FYCO1: variants seen among roughly 807,000 people sequenced by gnomAD.
The protein encoded by FYCO1 is FYVE and coiled-coil domain autophagy adaptor 1.
FYCO1 carries 122 observed loss-of-function variants against 165.1 expected under a neutral mutation model. The ratio of observed to expected loss-of-function variants is 0.74; its 90% CI spans 0.64 to 0.86. The LOEUF is 0.86. Among genes scored for constraint, FYCO1 ranks in the 40% least tolerant of loss-of-function variants. The pLI, the probability that FYCO1 is intolerant of heterozygous loss-of-function variation, is 0.00. For missense variants in FYCO1, 1,702 were observed against 1,810.3 expected (o/e 0.94, Z 1.09); for synonymous variants, 648 against 742.5 (o/e 0.87, Z 2.07).
intron 14 of FYCO1, among the ~76,000 whole-genome samples, chr3:45,944,677 C>T (rs1430623923): frequency 3.9e-5 from 6 of 152,152 alleles, no homozygotes; most frequent in Non-Finnish European, 7.3e-5. Flanking sequence ...AATTATTATA[C>T]ATCAAAGTTT....
At chr3:45,923,630 G>A (rs923579611) in intron 17 of FYCO1, 26 bp downstream of exon 17, 5 of 1,423,634 alleles carry the variant, frequency 3.5e-6, no homozygotes, top group Non-Finnish European at 4.0e-6. Context: ...CTGGAGACGT[G>A]GAGCTGGTGC....
chr3:45,941,560 G>A (rs1704226773), intron 14 of FYCO1, among the ~76,000 whole-genome samples: 2 of 152,190 alleles, frequency 1.3e-5, no homozygotes, highest in South Asian at 4.1e-4. Flanking sequence ...TAAAATTTTA[G>A]CCCCAAACCT....
intron 14 of FYCO1, chr3:45,947,342 C>G: frequency 8.7e-6 from 14 of 1,614,248 alleles, no homozygotes; most frequent in East Asian, 2.2e-5. Flanking sequence ...ACCCTGTGCT[C>G]TATGCCTTTG....
intron 11 of FYCO1, among the ~76,000 whole-genome samples, chr3:45,960,521 G>A (rs1559456036): frequency 6.6e-6 from 1 of 152,214 alleles, no homozygotes; most frequent in Admixed American, 6.5e-5. Context: ...CAAACTTTGG[G>A]AATGTGGAAT....
chr3:45,978,256 C>A lies in FYCO1; in HGVS notation c.288+1449G>T, dbSNP rs780863565. Among the ~76,000 whole-genome samples the A allele has an allele frequency of 7.2e-5, 11 of 152,266 alleles. No individual in the cohort carries two copies. In the South Asian group the frequency reaches 2.3e-3, roughly 32 times the overall value. On this transcript the variant is annotated intron_variant, in intron 4 of 17. Transcript: ENST00000296137. ...AAAGGCTTTAGTTGCTCTGATGCAG[C>A]GGCTGAGGAATGAAGAGAGGAGAGT...
At chr3:45,975,110 GTGGAAGGAGTC>G in intron 5 of FYCO1, 118 bp downstream of exon 5, 1 of 764,886 alleles carries the variant, frequency 1.3e-6, no homozygotes, top group Non-Finnish European at 2.4e-6. Context: ...AATGATATAT[GTGGAAGGAGTC>G]TGCAGTGTCA....
In FYCO1 at chr3:45,984,998, C is replaced by CAGT. The variant is rs1707243776; in HGVS notation, c.-91_-89dup. 4.7e-6 allele frequency: 6 copies of CAGT among 1,285,472 alleles called. No individual in the cohort carries two copies. Among genetic ancestry groups the CAGT allele is most frequent in the Middle Eastern group, 3.7e-4 (2 of 5,376 alleles). The allele number at this position is 1,285,472 out of a possible 1,614,324, so 79.6% of individuals were successfully genotyped here. A position where few individuals can be genotyped will look rare whatever the true frequency, so the allele number is the denominator to read the frequency against. ...CGGCCCTCGGTGGCTGTCTGCTCAG[C>CAGT]AGTGGTCAGACTCCATGGTGGCACC... On this transcript the variant is annotated 5_prime_UTR_variant, in exon 2 of 18. Coordinates refer to ENST00000296137, the MANE Select transcript of FYCO1 (RefSeq NM_024513.4).
Position 45,964,049 on chromosome 3 carries a change from T to C in FYCO1, c.3269+287A>G, listed in dbSNP as rs1053469859. Among the ~76,000 whole-genome samples, 2 of 152,252 alleles carry C rather than the reference T, an allele frequency of 1.3e-5. No individual in the cohort carries two copies. The highest frequency in any genetic ancestry group is 4.8e-5 in the African/African-American group (2 of 41,458). On this transcript the variant is annotated intron_variant, in intron 10 of 17. Coordinates refer to ENST00000296137, the MANE Select transcript of FYCO1 (RefSeq NM_024513.4). This position sits in a 1 kb window ranked among gnomAD's most constrained non-coding sequence, Gnocchi z 4.1. ...CATTATTATTATGATCTAACTTTTA[T>C]TTCATTTTAGTTTTTCCAAAGCTTG...
chr3:45,933,993 T>TA (rs71095065), intron 15 of FYCO1, among the ~76,000 whole-genome samples: 13,449 of 149,678 alleles, frequency 0.09, 992 homozygotes, highest in South Asian at 0.35. Flanking sequence ...ATAACCAAAA[T>TA]AAAAAAAAAA....
chr3:45,965,107 T>A lies in FYCO1; in HGVS notation c.3076A>T (p.Lys1026Ter). 1 of 1,613,926 alleles carries A rather than the reference T, an allele frequency of 6.2e-7. No individual in the cohort carries two copies. Among genetic ancestry groups the A allele is most frequent in the East Asian group, 2.2e-5 (1 of 44,870 alleles). Residue 1026 changes from lysine (K) to a stop codon, truncating the protein, a stop_gained, in exon 9 of 18, where the codon AAG (lysine) becomes TAG (stop). Transcript: ENST00000296137. LOFTEE classifies it high-confidence loss of function. Reference sequence around the variant, plus strand: ...TCCTCAAGCTGGCCCCTGAGGCTCTTGCACTCTTCACCAGCATTCTAGAGA... The same window carrying A: ...TCCTCAAGCTGGCCCCTGAGGCTCTAGCACTCTTCACCAGCATTCTAGAGA... ...SRLKNAGEEC[K>*]SLRGQLEEQG...
chr3:45,962,766 G>T lies in FYCO1; in HGVS notation c.3270-374C>A, dbSNP rs926177515. On this transcript the variant is annotated intron_variant, in intron 10 of 17. Transcript: ENST00000296137. The surrounding 1 kb of genome is among the most constrained non-coding windows in gnomAD (Gnocchi z 4.4). ...AAGGAGTCAGGACAGGCAGGACAGAGGTGTAGCTTCCTGGAGGTGGCCACA... is the reference window on the plus strand; with the variant it reads ...AAGGAGTCAGGACAGGCAGGACAGATGTGTAGCTTCCTGGAGGTGGCCACA... Among the ~76,000 whole-genome samples the T allele has an allele frequency of 1.3e-5, 2 of 152,132 alleles. No homozygotes were observed. The highest frequency in any genetic ancestry group is 4.8e-5 in the African/African-American group (2 of 41,408).
In FYCO1 at chr3:45,918,858, G is replaced by A. The variant is rs921584010; in HGVS notation, c.*2907C>T. On this transcript the variant is annotated 3_prime_UTR_variant, in exon 18 of 18. Coordinates refer to ENST00000296137, the MANE Select transcript of FYCO1 (RefSeq NM_024513.4). The stretch of plus-strand genomic sequence containing the variant: ...GTCCACCTGGAATCCAGTGTGTTGA[G>A]GTCAAGCACTCTGTAGAGTCCACTT... 1 of 152,164 alleles carries A rather than the reference G, an allele frequency of 6.6e-6. No homozygotes were observed. The highest frequency in any genetic ancestry group is 2.4e-5 in the African/African-American group (1 of 41,434). 9.4% of individuals were successfully genotyped at this position (152,164 alleles called of 1,614,324 possible).
chr3:45,927,891 G>T (rs1452673445), intron 16 of FYCO1, among the ~76,000 whole-genome samples: 1 of 152,248 alleles, frequency 6.6e-6, no homozygotes, highest in Non-Finnish European at 1.5e-5. Flanking sequence ...AACATCAAGA[G>T]CTCCTTAAGG....
intron 14 of FYCO1, among the ~76,000 whole-genome samples, chr3:45,948,786 G>A (rs778251582): frequency 6.6e-6 from 1 of 152,196 alleles, no homozygotes; most frequent in African/African-American, 2.4e-5. Flanking sequence ...CTGAATAGAC[G>A]AGAGCTGAAT....
At chr3:45,955,848 T>A (rs1705279503) in intron 13 of FYCO1, among the ~76,000 whole-genome samples, 1 of 152,244 alleles carries the variant, frequency 6.6e-6, no homozygotes, top group African/African-American at 2.4e-5. Context: ...CTTAATCCAC[T>A]GATGCGTGGG....
chr3:45,947,455 C>T (rs564233008), intron 14 of FYCO1: 1 of 1,614,184 alleles, frequency 6.2e-7, no homozygotes, highest in Non-Finnish European at 8.5e-7. Context: ...GAGGACAATT[C>T]CAAGACTTTT....
rs200850700 is a variant in FYCO1, at chr3:45,932,235, G to T, written c.4041-954C>A. ...TCTGGAGGCAGCTAGGTTAGCTCAT[G>T]ATCATGGAGACAGAGCCTCCAGTGC... On this transcript the variant is annotated intron_variant, in intron 15 of 17. Transcript: ENST00000296137. Among the ~76,000 whole-genome samples, 4 of 152,248 alleles carry T rather than the reference G, an allele frequency of 2.6e-5. No homozygotes were observed. The East Asian group carries it at 7.7e-4, about 29-fold the overall frequency.
intron 16 of FYCO1, among the ~76,000 whole-genome samples, chr3:45,927,006 G>A (rs555930758): frequency 6.6e-6 from 1 of 151,916 alleles, no homozygotes; most frequent in South Asian, 2.1e-4. Flanking sequence ...ACAGCAGAAG[G>A]TACATCCTTT....
intron 14 of FYCO1, 39 bp from the exon 15 acceptor site, chr3:45,936,582 C>A: frequency 7.0e-7 from 1 of 1,424,742 alleles, no homozygotes; most frequent in South Asian, 1.1e-5. Context: ...ATTTAGCTAT[C>A]AACACACAGG....
Sources: gnomAD v4.1 joint callset for allele counts (sites outside exome capture counted in the v4.1 genomes callset) on GRCh38, gnomAD v4.1.1 for gene constraint, Gnocchi (gnomAD v3.1) non-coding constraint, MANE v1.5 for transcripts, NCBI Gene and HGNC (gene_info 2026-07-23, HGNC 2026-07-21) for gene names.